Variants in PAPPA2 observed in about 807,000 individuals in gnomAD.
PAPPA2 encodes pappalysin-2.
In PAPPA2, 86 loss-of-function variants were observed where a neutral mutation model predicts 176.4. The observed-to-expected ratio is 0.49, with a 90% CI of 0.41 to 0.58. PAPPA2 has a LOEUF of 0.58. Ranked by LOEUF, PAPPA2 falls within the 20% of genes least tolerant of loss-of-function variation. The probability of loss-of-function intolerance (pLI) is 0.00; values close to 1 mark genes in which losing one functional copy is unlikely to be tolerated. For synonymous variants in PAPPA2, 809 were observed against 852.2 expected, an observed-to-expected ratio of 0.95 and a Z score of 0.88; for missense variants, 2,073 against 2,256.9, an observed-to-expected ratio of 0.92 and a Z score of 1.65.
At chr1:176,569,956 A>G (rs1213023115) in intron 2 of PAPPA2, among the ~76,000 whole-genome samples, 1 of 152,178 alleles carries the variant, frequency 6.6e-6, no homozygotes, top group Admixed American at 6.5e-5. Flanking sequence ...ATCTAGGTAT[A>G]CCTGACAAAT....
intron 2 of PAPPA2, among the ~76,000 whole-genome samples, chr1:176,575,915 C>G (rs1190946561): frequency 6.6e-6 from 1 of 152,170 alleles, no homozygotes; most frequent in African/African-American, 2.4e-5. Flanking sequence ...ACTTTGTTTT[C>G]TAATAAGTAG....
chr1:176,829,144 C>T (rs1300520640), intron 21 of PAPPA2, among the ~76,000 whole-genome samples: 1 of 152,156 alleles, frequency 6.6e-6, no homozygotes, highest in East Asian at 1.9e-4. Context: ...TGGGAAAAGG[C>T]TTGTCAACTG....
At chr1:176,578,837 A>G (rs529068556) in intron 2 of PAPPA2, among the ~76,000 whole-genome samples, 4 of 152,302 alleles carry the variant, frequency 2.6e-5, no homozygotes, top group Admixed American at 2.0e-4. Flanking sequence ...AGTTGGCACA[A>G]TGTTCCTGAA....
At chr1:176,689,746 A>T (rs1032966691) in intron 4 of PAPPA2, among the ~76,000 whole-genome samples, 3 of 152,116 alleles carry the variant, frequency 2.0e-5, no homozygotes, top group African/African-American at 4.8e-5. Context: ...GGAAGTTTTT[A>T]AAAATGTCGT....
chr1:176,664,692 C>CT (rs1355536060), intron 3 of PAPPA2, among the ~76,000 whole-genome samples: 1 of 152,130 alleles, frequency 6.6e-6, no homozygotes, highest in Non-Finnish European at 1.5e-5. Flanking sequence ...CTGATTATTT[C>CT]TTTTATTTCA....
intron 2 of PAPPA2, among the ~76,000 whole-genome samples, chr1:176,594,066 G>GA (rs974219853): frequency 3.3e-5 from 5 of 152,160 alleles, no homozygotes; most frequent in South Asian, 2.1e-4. Flanking sequence ...GTTCAGTAGA[G>GA]AAAAATCACC....
intron 3 of PAPPA2, among the ~76,000 whole-genome samples, chr1:176,640,480 A>T (rs1657009889): frequency 6.6e-6 from 1 of 151,526 alleles, no homozygotes; most frequent in Non-Finnish European, 1.5e-5. Flanking sequence ...ACTGAGAATG[A>T]TGATTTCCAA....
intron 21 of PAPPA2, among the ~76,000 whole-genome samples, chr1:176,823,949 G>T (rs761609617): frequency 1.3e-5 from 2 of 152,176 alleles, no homozygotes; most frequent in Non-Finnish European, 2.9e-5. Flanking sequence ...TAATGTAACA[G>T]CCCCCTCACC....
intron 14 of PAPPA2, among the ~76,000 whole-genome samples, chr1:176,751,055 A>G (rs1663149960): frequency 6.6e-6 from 1 of 151,904 alleles, no homozygotes; most frequent in Admixed American, 6.6e-5. Flanking sequence ...AGCTTTCTAC[A>G]TATGGCTAGC....
intron 3 of PAPPA2, among the ~76,000 whole-genome samples, chr1:176,660,637 C>T (rs1450523264): frequency 1.3e-5 from 2 of 152,000 alleles, no homozygotes; most frequent in Non-Finnish European, 2.9e-5. Flanking sequence ...TTCCACCCTC[C>T]TTATAAAGAT....
At chr1:176,588,257 T>C (rs749869401) in intron 2 of PAPPA2, among the ~76,000 whole-genome samples, 30 of 152,226 alleles carry the variant, frequency 2.0e-4, no homozygotes, top group Non-Finnish European at 4.3e-4. Context: ...TTCACATTGA[T>C]TTTGTATCCT....
At chr1:176,518,079 G>A (rs554434024) in intron 1 of PAPPA2, among the ~76,000 whole-genome samples, 1 of 152,160 alleles carries the variant, frequency 6.6e-6, no homozygotes, top group Non-Finnish European at 1.5e-5. Context: ...GGCCAAGGTG[G>A]GAGGATTGGT....
intron 3 of PAPPA2, among the ~76,000 whole-genome samples, chr1:176,596,210 C>G (rs1480842016): frequency 6.6e-6 from 1 of 152,176 alleles, no homozygotes; most frequent in Non-Finnish European, 1.5e-5. Context: ...AAGTTGGATC[C>G]TGTCATTTCT....
chr1:176,830,736 G>T (rs1667051142), intron 21 of PAPPA2, among the ~76,000 whole-genome samples: 1 of 152,206 alleles, frequency 6.6e-6, no homozygotes, highest in Non-Finnish European at 1.5e-5. Flanking sequence ...GGGCCTATCA[G>T]CCCTGCAATG....
chr1:176,757,031 A>G (rs958230669), intron 14 of PAPPA2, among the ~76,000 whole-genome samples: 2 of 152,218 alleles, frequency 1.3e-5, no homozygotes, highest in African/African-American at 4.8e-5. Flanking sequence ...TGCAAAGGAC[A>G]TGAACTCATC....
intron 12 of PAPPA2, among the ~76,000 whole-genome samples, chr1:176,735,181 G>A (rs190468223): frequency 2.0e-5 from 3 of 152,154 alleles, no homozygotes; most frequent in African/African-American, 4.8e-5. Flanking sequence ...AAATCACAAT[G>A]AGCGCAGTGG....
At chr1:176,528,796 G>T (rs1649634063) in intron 1 of PAPPA2, among the ~76,000 whole-genome samples, 2 of 152,036 alleles carry the variant, frequency 1.3e-5, no homozygotes, top group African/African-American at 2.4e-5. Flanking sequence ...TCCAAGCAAG[G>T]CTACTTCATG....
intron 21 of PAPPA2, among the ~76,000 whole-genome samples, chr1:176,836,384 G>A (rs1667271174): frequency 6.6e-6 from 1 of 152,180 alleles, no homozygotes; most frequent in Non-Finnish European, 1.5e-5. Flanking sequence ...TAGAGATACA[G>A]TCCCTTTTGG....
At chr1:176,511,644 G>T (rs968984512) in intron 1 of PAPPA2, among the ~76,000 whole-genome samples, 1 of 152,156 alleles carries the variant, frequency 6.6e-6, no homozygotes, top group Admixed American at 6.6e-5. Context: ...AGTAGACGGG[G>T]TAAAGATGAC....
Sources: allele counts gnomAD v4.1 joint callset (sites outside exome capture counted in the v4.1 genomes callset), GRCh38; gene constraint gnomAD v4.1.1; transcripts MANE v1.5; gene names NCBI Gene and HGNC (gene_info 2026-07-23, HGNC 2026-07-21).